Variants in ARHGAP10 observed in about 807,000 individuals in gnomAD.
ARHGAP10 encodes Rho GTPase activating protein 10, also known as rho GTPase-activating protein 10.
Under a neutral mutation model 108.6 loss-of-function variants are expected in ARHGAP10, and 87 were observed. That is an observed-to-expected ratio of 0.80 (90% CI 0.67 to 0.96). The LOEUF (loss-of-function observed/expected upper bound fraction) is 0.96. ARHGAP10 is among the 40% of genes least tolerant of loss of function. The pLI is 0.00. For missense variants in ARHGAP10, 939 were observed against 954.5 expected (o/e 0.98, Z 0.21); for synonymous variants, 347 against 341.1 (o/e 1.02, Z -0.19).
chr4:148,050,229 T>G (rs537580837), intron 20 of ARHGAP10, among the ~76,000 whole-genome samples: 1 of 152,298 alleles, frequency 6.6e-6, no homozygotes, highest in South Asian at 2.1e-4. Flanking sequence ...GATATTGATG[T>G]AATTATTAGT....
At chr4:147,778,504 G>A (rs1560752371) in intron 1 of ARHGAP10, among the ~76,000 whole-genome samples, 1 of 152,124 alleles carries the variant, frequency 6.6e-6, no homozygotes, top group Non-Finnish European at 1.5e-5. Context: ...AGTCTGTTTT[G>A]TCTTAGGGTC....
At chr4:148,029,082 G>A (rs1728015863) in intron 19 of ARHGAP10, among the ~76,000 whole-genome samples, 1 of 152,160 alleles carries the variant, frequency 6.6e-6, no homozygotes, top group African/African-American at 2.4e-5. Flanking sequence ...AAATGGTGTA[G>A]AATGTCTTGG....
intron 13 of ARHGAP10, 95 bp from the exon 14 acceptor site, chr4:147,939,721 GAATGCTGCT>G: frequency 1.0e-6 from 1 of 971,772 alleles, no homozygotes; most frequent in Non-Finnish European, 1.7e-6. Context: ...TAGTTAACAG[GAATGCTGCT>G]AATGTTAGTT....
At position 148,064,510 on chromosome 4, in the gene ARHGAP10, A is replaced by G. The variant is rs768380369; in HGVS notation, c.2272+3A>G. 5.0e-6 allele frequency: 8 copies of G among 1,613,274 alleles called. No individual in the cohort carries two copies. The highest frequency in any genetic ancestry group is 6.8e-6 in the Non-Finnish European group (8 of 1,179,328). ...AATAGGAGCAATTTTTGAGGATGGT[A>G]AGTGTTAGTGGGAGCTTCGTCTGTT... On this transcript the variant is annotated splice_donor_region_variant and intron_variant, in intron 22 of 22. Coordinates refer to ENST00000336498, the MANE Select transcript of ARHGAP10 (RefSeq NM_024605.4).
intron 1 of ARHGAP10, among the ~76,000 whole-genome samples, chr4:147,780,337 A>G (rs1730480191): frequency 6.6e-6 from 1 of 152,104 alleles, no homozygotes; most frequent in Non-Finnish European, 1.5e-5. Flanking sequence ...TCTCCTACCC[A>G]GTATCTAGCT....
intron 1 of ARHGAP10, among the ~76,000 whole-genome samples, chr4:147,791,389 G>A (rs1731117128): frequency 6.6e-6 from 1 of 151,962 alleles, no homozygotes; most frequent in Admixed American, 6.6e-5. Context: ...TGAGATTACA[G>A]GCATGAGCCA....
At chr4:147,797,409 C>G (rs1011851947) in intron 1 of ARHGAP10, among the ~76,000 whole-genome samples, 5 of 152,108 alleles carry the variant, frequency 3.3e-5, no homozygotes, top group Middle Eastern at 3.4e-3. Context: ...CGTACCCTCC[C>G]CACTTTGTTT....
At chr4:147,971,421 A>G (rs1006659731) in intron 18 of ARHGAP10, among the ~76,000 whole-genome samples, 3 of 152,118 alleles carry the variant, frequency 2.0e-5, no homozygotes, top group African/African-American at 7.2e-5. Context: ...ATGGCAGAGA[A>G]TAAGCGCTTT....
intron 18 of ARHGAP10, among the ~76,000 whole-genome samples, chr4:147,990,778 G>A (rs1487828016): frequency 6.6e-5 from 10 of 152,162 alleles, no homozygotes; most frequent in Admixed American, 1.3e-4. Context: ...CTTGAGGGAC[G>A]AGGGAGGTCG....
At chr4:148,056,513 G>A (rs1729369692) in intron 20 of ARHGAP10, among the ~76,000 whole-genome samples, 2 of 152,140 alleles carry the variant, frequency 1.3e-5, no homozygotes, top group African/African-American at 4.8e-5. Flanking sequence ...AGATACTACA[G>A]AGCTTCCGTA....
At chr4:147,985,028 AACCTC>A (rs2149630574) in intron 18 of ARHGAP10, among the ~76,000 whole-genome samples, 1 of 152,220 alleles carries the variant, frequency 6.6e-6, no homozygotes, top group South Asian at 2.1e-4. Context: ...TGGAGCTGGG[AACCTC>A]ACCTGGTCTC....
chr4:147,830,512 CTTTT>C (rs56946602), intron 3 of ARHGAP10, among the ~76,000 whole-genome samples: 15 of 102,274 alleles, frequency 1.5e-4, no homozygotes, highest in Admixed American at 2.0e-4. Flanking sequence ...ACCACAATTC[CTTTT>C]TTTTTTTTTT....
At chr4:148,026,142 T>C (rs1741756190) in intron 19 of ARHGAP10, among the ~76,000 whole-genome samples, 1 of 152,182 alleles carries the variant, frequency 6.6e-6, no homozygotes, top group African/African-American at 2.4e-5. Context: ...AGATTTGGTA[T>C]TTGAGTGAAG....
intron 13 of ARHGAP10, among the ~76,000 whole-genome samples, chr4:147,937,745 G>C (rs955740074): frequency 6.6e-6 from 1 of 152,168 alleles, no homozygotes; most frequent in Non-Finnish European, 1.5e-5. Flanking sequence ...TTTGGGAGGC[G>C]GAGGCAGGCG....
intron 15 of ARHGAP10, among the ~76,000 whole-genome samples, chr4:147,950,525 C>T (rs995058944): frequency 1.3e-5 from 2 of 152,136 alleles, no homozygotes; most frequent in Non-Finnish European, 2.9e-5. Flanking sequence ...ATTCTTCTCA[C>T]TGCAAATAAC....
intron 4 of ARHGAP10, among the ~76,000 whole-genome samples, chr4:147,851,195 A>G (rs1325824360): frequency 1.3e-5 from 2 of 152,140 alleles, no homozygotes; most frequent in Non-Finnish European, 2.9e-5. Flanking sequence ...ATTATGACTT[A>G]TCACCTAAGC....
intron 18 of ARHGAP10, among the ~76,000 whole-genome samples, chr4:147,998,032 A>G (rs1471209669): frequency 6.6e-6 from 1 of 152,204 alleles, no homozygotes; most frequent in African/African-American, 2.4e-5. Context: ...AGAGAAGTTT[A>G]TAGCCTTAAG....
In ARHGAP10 at chr4:147,781,871, C is replaced by A. The variant is rs187935861; in HGVS notation, c.155-40856C>A. 1.2e-4 allele frequency among the ~76,000 whole-genome samples: 18 copies of A among 152,140 alleles called. No individual in the cohort carries two copies. The East Asian group carries it at 3.5e-3, about 29-fold the overall frequency. ...GTATTTCCATAGTTAAATTCTTAGTCAGATTTGTATAATTCTTGATACATA... is the reference window on the plus strand; with the variant it reads ...GTATTTCCATAGTTAAATTCTTAGTAAGATTTGTATAATTCTTGATACATA... On this transcript the variant is annotated intron_variant, in intron 1 of 22. Coordinates refer to ENST00000336498, the MANE Select transcript of ARHGAP10 (RefSeq NM_024605.4).
At position 147,804,811 on chromosome 4, in the gene ARHGAP10, A is replaced by G. The variant is rs1731718283; in HGVS notation, c.155-17916A>G. 2.6e-5 allele frequency among the ~76,000 whole-genome samples: 4 copies of G among 152,018 alleles called. No homozygotes were observed. The South Asian group carries it at 8.3e-4, about 32-fold the overall frequency. On this transcript the variant is annotated intron_variant, in intron 1 of 22. Transcript: ENST00000336498. ...TTTGAAAAGTTCTTGTCCTTTGCCC[A>G]CTTTTTAATGAGGTTGTTTTTTGCT...
Sources: allele counts gnomAD v4.1 joint callset (sites outside exome capture counted in the v4.1 genomes callset), GRCh38; gene constraint gnomAD v4.1.1; transcripts MANE v1.5; gene names NCBI Gene and HGNC (gene_info 2026-07-23, HGNC 2026-07-21).